LZTFL1: variants seen among roughly 807,000 people sequenced by gnomAD.
LZTFL1 encodes the protein leucine zipper transcription factor-like protein 1.
LZTFL1 carries 25 observed loss-of-function variants against 45.9 expected under a neutral mutation model. The ratio of observed to expected loss-of-function variants is 0.54; its 90% CI spans 0.40 to 0.76. LZTFL1 has a LOEUF of 0.76. Among genes scored for constraint, LZTFL1 ranks in the 30% least tolerant of loss-of-function variants. The probability of loss-of-function intolerance (pLI) is 0.00; values close to 1 mark genes in which losing one functional copy is unlikely to be tolerated. For synonymous variants in LZTFL1, 93 were observed against 117.4 expected, an observed-to-expected ratio of 0.79 and a Z score of 1.35; for missense variants, 277 against 331.1, an observed-to-expected ratio of 0.84 and a Z score of 1.27.
At chr3:45,879,660 A>G (rs1463678268) in intron 2 of LZTFL1, among the ~76,000 whole-genome samples, 1 of 152,202 alleles carries the variant, frequency 6.6e-6, no homozygotes, top group African/African-American at 2.4e-5. Context: ...ACTTTGGGTG[A>G]TAGTGATGTA....
chr3:45,892,679 T>C (rs929207255), intron 2 of LZTFL1, among the ~76,000 whole-genome samples: 2 of 152,014 alleles, frequency 1.3e-5, no homozygotes, highest in African/African-American at 4.8e-5. Flanking sequence ...GCAATTTACC[T>C]ATATGACAAA....
intron 2 of LZTFL1, among the ~76,000 whole-genome samples, chr3:45,905,973 TTC>T (rs1702671228): frequency 6.6e-6 from 1 of 152,106 alleles, no homozygotes; most frequent in South Asian, 2.1e-4. Context: ...GCAGTTTGAG[TTC>T]TCTCTCTGCC....
At chr3:45,909,052 A>T (rs1401196094) in intron 2 of LZTFL1, among the ~76,000 whole-genome samples, 1 of 152,176 alleles carries the variant, frequency 6.6e-6, no homozygotes, top group Non-Finnish European at 1.5e-5. Context: ...CATGCAAAGG[A>T]TCTAGACTGT....
At chr3:45,860,513 A>C (rs1701469110) in intron 2 of LZTFL1, among the ~76,000 whole-genome samples, 1 of 152,114 alleles carries the variant, frequency 6.6e-6, no homozygotes. Flanking sequence ...AACACCAGCA[A>C]ATGTGGAAAA....
chr3:45,836,495 AAAT>A (rs1439964595), intron 2 of LZTFL1, among the ~76,000 whole-genome samples: 1 of 152,086 alleles, frequency 6.6e-6, no homozygotes, highest in Non-Finnish European at 1.5e-5. Context: ...TCTCTATTAA[AAAT>A]ACAAAAAATT....
chr3:45,839,334 T>C (rs1701046468), intron 1 of LZTFL1, among the ~76,000 whole-genome samples: 1 of 152,148 alleles, frequency 6.6e-6, no homozygotes, highest in Admixed American at 6.5e-5. Flanking sequence ...GTGATCCACC[T>C]GCCTCGGCCT....
intron 4 of LZTFL1, among the ~76,000 whole-genome samples, chr3:45,851,225 ATTT>A (rs59845792): frequency 0.55 from 74,564 of 135,024 alleles, 19,932 homozygotes; most frequent in East Asian, 0.7. Flanking sequence ...TTTAGCTGTG[ATTT>A]TTTTTTTTTT....
intron 1 of LZTFL1, chr3:45,915,405 C>A (rs752420415): frequency 9.7e-5 from 41 of 421,782 alleles, no homozygotes; most frequent in Non-Finnish European, 1.7e-4. Flanking sequence ...GAGAAGACAG[C>A]ACCTGCCCCA....
At chr3:45,889,432 C>T (rs1702079512) in intron 2 of LZTFL1, among the ~76,000 whole-genome samples, 1 of 152,116 alleles carries the variant, frequency 6.6e-6, no homozygotes. Flanking sequence ...ACAAGTTCCT[C>T]CTCTAGATGA....
intron 1 of LZTFL1, chr3:45,841,635 A>G: frequency 2.7e-6 from 1 of 364,926 alleles, no homozygotes; most frequent in Admixed American, 3.9e-5. Context: ...TTCTTGAAAT[A>G]GAGTTAAGAA....
intron 1 of LZTFL1, among the ~76,000 whole-genome samples, chr3:45,914,756 C>T (rs919230007): frequency 6.6e-6 from 1 of 152,140 alleles, no homozygotes; most frequent in Non-Finnish European, 1.5e-5. Flanking sequence ...CTTTCATAAC[C>T]AAAGAAGATG....
chr3:45,874,876 G>C (rs1701725715), intron 2 of LZTFL1, among the ~76,000 whole-genome samples: 1 of 152,192 alleles, frequency 6.6e-6, no homozygotes. Context: ...AGACTAGCCA[G>C]CTGGTGGATG....
chr3:45,915,470 C>T (rs1020086884), exon 1 of LZTFL1: 15 of 455,808 alleles, frequency 3.3e-5, no homozygotes, highest in Middle Eastern at 3.2e-4. Flanking sequence ...TTCTCTCCTC[C>T]GAGGCTCAGT....
At chr3:45,869,854 C>T (rs533101276) in intron 2 of LZTFL1, among the ~76,000 whole-genome samples, 170 of 152,364 alleles carry the variant, frequency 1.1e-3, no homozygotes, top group Middle Eastern at 3.4e-3. Context: ...ATCATCAATC[C>T]TCTGGTTTAA....
At chr3:45,894,425 C>T (rs1702285524) in intron 2 of LZTFL1, among the ~76,000 whole-genome samples, 2 of 152,152 alleles carry the variant, frequency 1.3e-5, no homozygotes, top group Non-Finnish European at 1.5e-5. Flanking sequence ...GTCCAGAGCC[C>T]AGGGCATTCT....
intron 2 of LZTFL1, among the ~76,000 whole-genome samples, chr3:45,889,230 C>T (rs1385502632): frequency 6.6e-6 from 1 of 152,128 alleles, no homozygotes; most frequent in Non-Finnish European, 1.5e-5. Flanking sequence ...AGTGATGCTC[C>T]CACCTCAGCC....
chr3:45,870,074 T>C (rs1465758639), intron 2 of LZTFL1, among the ~76,000 whole-genome samples: 1 of 152,258 alleles, frequency 6.6e-6, no homozygotes, highest in Non-Finnish European at 1.5e-5. Flanking sequence ...TTTCTTGAAA[T>C]GATTTCTGCA....
intron 2 of LZTFL1, among the ~76,000 whole-genome samples, chr3:45,911,515 C>A (rs1397249445): frequency 6.6e-6 from 1 of 152,230 alleles, no homozygotes; most frequent in Non-Finnish European, 1.5e-5. Context: ...GATTCTAGAA[C>A]CCAATCTCTT....
chr3:45,889,840 A>G (rs1272339742), intron 2 of LZTFL1, among the ~76,000 whole-genome samples: 1 of 151,896 alleles, frequency 6.6e-6, no homozygotes, highest in Non-Finnish European at 1.5e-5. Context: ...AATATTACCA[A>G]TTGCTGAATA....
Sources: gnomAD v4.1 joint callset for allele counts (sites outside exome capture counted in the v4.1 genomes callset) on GRCh38, gnomAD v4.1.1 for gene constraint, MANE v1.5 for transcripts, NCBI Gene and HGNC (gene_info 2026-07-23, HGNC 2026-07-21) for gene names.